The following GCLC variants were observed in gnomAD, a reference collection of about 807,000 sequenced individuals.
GCLC encodes the protein glutamate-cysteine ligase catalytic subunit.
GCLC carries 30 observed loss-of-function variants against 81.5 expected under a neutral mutation model. The observed-to-expected ratio is 0.37, with a 90% CI of 0.28 to 0.50. The LOEUF is 0.50. Among genes scored for constraint, GCLC ranks in the 20% least tolerant of loss-of-function variants. The pLI is 0.96. For missense variants in GCLC, 556 were observed against 777.4 expected (o/e 0.72, Z 3.39); for synonymous variants, 262 against 273.3 (o/e 0.96, Z 0.41).
At chr6:53,524,396 G>T (rs1561947073) in intron 1 of GCLC, among the ~76,000 whole-genome samples, 1 of 152,180 alleles carries the variant, frequency 6.6e-6, no homozygotes, top group Non-Finnish European at 1.5e-5. Flanking sequence ...ATGAAGCAGG[G>T]AAAAGTTATA....
chr6:53,530,036 T>C (rs1763146116), intron 1 of GCLC, among the ~76,000 whole-genome samples: 1 of 152,206 alleles, frequency 6.6e-6, no homozygotes, highest in Non-Finnish European at 1.5e-5. Context: ...TATGAGAAAT[T>C]CAGGATTTTA....
Position 53,509,213 on chromosome 6 carries a change from T to C in GCLC, c.791A>G (p.Tyr264Cys). Residue 264 changes from tyrosine to cysteine, a missense_variant, in exon 7 of 16, where the codon TAC (tyrosine) becomes TGC (cysteine). This residue lies in a region of GCLC where 9 missense variants were observed against 36.4 expected (regional missense o/e 0.25). Coordinates refer to ENST00000650454, the MANE Select transcript of GCLC (RefSeq NM_001498.4). ...FQACSISEAR[Y>C]LYDQLATICP... ...GATAGTAGCCAACTGATCATAAAGG[T>C]ATCTGGCCTCAGATATACTGCAGGC... 1.2e-6 allele frequency: 2 copies of C among 1,607,746 alleles called. No homozygotes were observed. The highest frequency in any genetic ancestry group is 2.7e-5 in the African/African-American group (2 of 74,928).
chr6:53,505,386 C>T lies in GCLC; in HGVS notation c.1395+6G>A, dbSNP rs1176897336. ...TACCCATCACCATAAAGAAACATATCCTTACCTTTGACAGTGGAATGAGAA... is the reference window on the plus strand; with the variant it reads ...TACCCATCACCATAAAGAAACATATTCTTACCTTTGACAGTGGAATGAGAA... On this transcript the variant is annotated splice_donor_region_variant and intron_variant, in intron 12 of 15. Transcript: ENST00000650454. The T allele has an allele frequency of 2.3e-6, 3 of 1,324,930 alleles. No homozygotes were observed. Among genetic ancestry groups the T allele is most frequent in the Non-Finnish European group, 3.3e-6 (3 of 916,756 alleles). 82.1% of individuals were successfully genotyped at this position (1,324,930 alleles called of 1,614,324 possible).
chr6:53,499,278 T>C (rs1268395266), intron 15 of GCLC, among the ~76,000 whole-genome samples: 1 of 152,122 alleles, frequency 6.6e-6, no homozygotes, highest in Non-Finnish European at 1.5e-5. Flanking sequence ...TACAAGAACA[T>C]GTGCCCTCCC....
At chr6:53,542,107 T>C (rs1581752976) in intron 1 of GCLC, among the ~76,000 whole-genome samples, 2 of 152,324 alleles carry the variant, frequency 1.3e-5, no homozygotes, top group Admixed American at 6.5e-5. Context: ...TCCTCCTGCC[T>C]GGGCCTTCCA....
rs183019893 is a variant in GCLC, at chr6:53,498,139, C to A, written c.*617G>T. ...CAAAGAAAAGTTCCTTTGATAACAG[C>A]CATCAGAGTTCAATGGGTATTTATT... is the stretch of plus-strand genomic sequence containing the variant. On this transcript the variant is annotated 3_prime_UTR_variant, in exon 16 of 16. Transcript: ENST00000650454. The A allele has an allele frequency of 6.5e-6, 1 of 152,714 alleles. No individual in the cohort carries two copies. Among genetic ancestry groups the A allele is most frequent in the East Asian group, 1.9e-4 (1 of 5,194 alleles). 9.5% of individuals were successfully genotyped at this position (152,714 alleles called of 1,614,324 possible).
At chr6:53,540,322 C>CAAAAA (rs35612064) in intron 1 of GCLC, among the ~76,000 whole-genome samples, 1 of 124,578 alleles carries the variant, frequency 8.0e-6, no homozygotes, top group Non-Finnish European at 1.6e-5. Context: ...TATTCAGCCT[C>CAAAAA]AAAAAAGAAA....
chr6:53,524,217 G>A (rs1275232057), intron 1 of GCLC, among the ~76,000 whole-genome samples: 1 of 152,162 alleles, frequency 6.6e-6, no homozygotes, highest in Non-Finnish European at 1.5e-5. Flanking sequence ...TTTCACAGGT[G>A]GGCAAAGGGG....
chr6:53,539,807 C>A (rs1423884931), intron 1 of GCLC, among the ~76,000 whole-genome samples: 1 of 152,200 alleles, frequency 6.6e-6, no homozygotes, highest in Non-Finnish European at 1.5e-5. Context: ...TTTATCTGCG[C>A]AGCCTGTTTC....
At chr6:53,538,740 T>C (rs1188963201) in intron 1 of GCLC, among the ~76,000 whole-genome samples, 1 of 152,310 alleles carries the variant, frequency 6.6e-6, no homozygotes, top group Non-Finnish European at 1.5e-5. Flanking sequence ...TAAAGATACA[T>C]TGCATTTTCC....
chr6:53,521,186 G>C (rs1289075412), intron 2 of GCLC, among the ~76,000 whole-genome samples: 1 of 151,938 alleles, frequency 6.6e-6, no homozygotes, highest in Non-Finnish European at 1.5e-5. Flanking sequence ...ACAGAGTCTC[G>C]CTCTGTCACC....
chr6:53,505,860 A>T lies in GCLC; in HGVS notation c.1233T>A (p.Phe411Leu). 6.2e-7 allele frequency: 1 copy of T among 1,612,370 alleles called. No homozygotes were observed. Among genetic ancestry groups the T allele is most frequent in the East Asian group, 2.2e-5 (1 of 44,864 alleles). The change falls in exon 11 of 16, where the codon TTT (phenylalanine) becomes TTA (leucine). Residue 411 changes from phenylalanine (F) to leucine (L), a missense_variant. Coordinates refer to ENST00000650454, the MANE Select transcript of GCLC (RefSeq NM_001498.4). ...TGTCTGAGTTTGGAGGAGGGGGCTT[A>T]AATCTCATTGTCTGCCAATTTGTGG... is the stretch of plus-strand genomic sequence containing the variant. ...IQSTNWQTMRFKPPPPNSDIG... is the reference protein window; with the variant it reads ...IQSTNWQTMRLKPPPPNSDIG...
In GCLC at chr6:53,514,488, T is replaced by C. The variant is rs770779708; in HGVS notation, c.570A>G (p.Thr190=). 6.2e-7 allele frequency: 1 copy of C among 1,612,832 alleles called. No individual in the cohort carries two copies. The highest frequency in any genetic ancestry group is 1.7e-5 in the Admixed American group (1 of 60,016). The change falls in exon 5 of 16, where the codon ACA becomes ACG. Residue 190 remains threonine (T), a synonymous_variant. Transcript: ENST00000650454. ...CTCCTCTCCTATGTCGGATATTTCT[T>C]GTTAAGGTACTAAAACAGACAACCA... ...INKHPRFSTL[T]RNIRHRRGEK... is the part of the protein sequence containing the mutation.
Position 53,509,047 on chromosome 6 carries a change from C to T in GCLC, c.828+129G>A, listed in dbSNP as rs17884309. On this transcript the variant is annotated intron_variant, in intron 7 of 15. Transcript: ENST00000650454. ...AGTTCATTATACCTAAACCTACATA[C>T]TATTTATATTAGTCCATCTCTGACT... The T allele has an allele frequency of 2.7e-3, 1,862 of 693,374 alleles. 18 individuals carry two copies. Among genetic ancestry groups the T allele is most frequent in the African/African-American group, 0.025 (1,403 of 56,902 alleles). 43.0% of individuals were successfully genotyped at this position (693,374 alleles called of 1,614,324 possible).
At chr6:53,510,663 T>C (rs931234066) in intron 6 of GCLC, among the ~76,000 whole-genome samples, 1 of 152,216 alleles carries the variant, frequency 6.6e-6, no homozygotes, top group Non-Finnish European at 1.5e-5. Flanking sequence ...TGTTTAAGAC[T>C]TGAAATAACA....
chr6:53,521,989 C>CAGCCAAACAA (rs1471415809), intron 2 of GCLC, among the ~76,000 whole-genome samples: 1 of 152,266 alleles, frequency 6.6e-6, no homozygotes, highest in African/African-American at 2.4e-5. Flanking sequence ...AAAATCATGC[C>CAGCCAAACAA]AGCCAAACAA....
intron 6 of GCLC, among the ~76,000 whole-genome samples, chr6:53,511,500 G>T (rs1462006534): frequency 6.6e-6 from 1 of 152,052 alleles, no homozygotes; most frequent in Non-Finnish European, 1.5e-5. Context: ...TCTCTTAGAT[G>T]GCCTAGTATA....
rs1416000835 is a variant in GCLC at position 53,541,611 on chromosome 6, T to TG, written c.150+2884dup. Among the ~76,000 whole-genome samples the TG allele has an allele frequency of 2.4e-4, 35 of 145,872 alleles. 1 individual carries two copies. The highest frequency in any genetic ancestry group is 3.1e-4 in the African/African-American group (12 of 39,208). On this transcript the variant is annotated intron_variant, in intron 1 of 15. Coordinates refer to ENST00000650454, the MANE Select transcript of GCLC (RefSeq NM_001498.4). ...AAAAGACATTAATATGTTAGTAGGG[T>TG]GGGGGGGCGGTGGGGGAACAAAGGA...
intron 6 of GCLC, among the ~76,000 whole-genome samples, chr6:53,512,034 C>T (rs944444849): frequency 9.9e-5 from 15 of 151,534 alleles, no homozygotes; most frequent in African/African-American, 2.4e-4. Flanking sequence ...CTGCAACCTC[C>T]GCCTCCCAGG....
Sources: gnomAD v4.1 joint callset for allele counts (sites outside exome capture counted in the v4.1 genomes callset) on GRCh38, gnomAD v4.1.1 for gene constraint, gnomAD v4.1.1 regional missense constraint, MANE v1.5 for transcripts, NCBI Gene and HGNC (gene_info 2026-07-23, HGNC 2026-07-21) for gene names.